The following PHGDH variants were observed in gnomAD, a reference collection of about 807,000 sequenced individuals.
The protein encoded by PHGDH is D-3-phosphoglycerate dehydrogenase.
Under a neutral mutation model 52.6 loss-of-function variants are expected in PHGDH, and 50 were observed. The ratio of observed to expected loss-of-function variants is 0.95; its 90% CI spans 0.76 to 1.20. PHGDH has a LOEUF of 1.20. Ranked by LOEUF, PHGDH falls within the 50% of genes most tolerant of loss-of-function variation. PHGDH has a pLI of 0.00. For synonymous variants in PHGDH, 271 were observed against 280.5 expected, an observed-to-expected ratio of 0.97 and a Z score of 0.34; for missense variants, 630 against 684.6, an observed-to-expected ratio of 0.92 and a Z score of 0.89.
Position 119,711,950 on chromosome 1 carries a change from G to C in PHGDH, c.-73G>C. 3 of 1,535,316 alleles carry C rather than the reference G, an allele frequency of 2.0e-6. No individual in the cohort carries two copies. The highest frequency in any genetic ancestry group is 2.7e-6 in the Non-Finnish European group (3 of 1,110,538). On this transcript the variant is annotated 5_prime_UTR_variant, in exon 1 of 12. Coordinates refer to ENST00000641023, the MANE Select transcript of PHGDH (RefSeq NM_006623.4). Reference sequence around the variant, plus strand: ...GAATACTGCCCAGTTACTCTAGCGCGCCAGGCCGAACCGCAGCTTCTTGGC... The same window carrying C: ...GAATACTGCCCAGTTACTCTAGCGCCCCAGGCCGAACCGCAGCTTCTTGGC...
At chr1:119,715,815 T>C (rs1442559561) in intron 1 of PHGDH, 1 of 152,266 alleles carries the variant, frequency 6.6e-6, no homozygotes, top group Non-Finnish European at 1.5e-5. Context: ...CATCAGAATT[T>C]GGTGCTGTGT....
At chr1:119,726,221 T>TGC (rs1456278038) in intron 3 of PHGDH, among the ~76,000 whole-genome samples, 1 of 145,636 alleles carries the variant, frequency 6.9e-6, no homozygotes, top group Non-Finnish European at 1.5e-5. Context: ...TGTGTGTGTG[T>TGC]GTGTTGGTGG....
Position 119,734,768 on chromosome 1 carries a change from T to C in PHGDH, c.643+2T>C. The C allele has an allele frequency of 6.2e-7, 1 of 1,613,986 alleles. No homozygotes were observed. Among genetic ancestry groups the C allele is most frequent in the Non-Finnish European group, 8.5e-7 (1 of 1,179,932 alleles). On this transcript the variant is annotated splice_donor_variant, in intron 6 of 11. Coordinates refer to ENST00000641023, the MANE Select transcript of PHGDH (RefSeq NM_006623.4). LOFTEE classifies it high-confidence loss of function. ...CTCCTCTCCTGCCCTCCACGACAGG[T>C]AGGTGTGTCCTTACATTGTGGATTG...
chr1:119,718,106 A>G (rs1441248261), intron 1 of PHGDH, among the ~76,000 whole-genome samples: 1 of 152,212 alleles, frequency 6.6e-6, no homozygotes, highest in Non-Finnish European at 1.5e-5. Context: ...TGGGAGGAGC[A>G]GGTCACCAGA....
At chr1:119,739,339 A>G (rs1441898620) in intron 8 of PHGDH, 1 of 152,180 alleles carries the variant, frequency 6.6e-6, no homozygotes, top group Non-Finnish European at 1.5e-5. Flanking sequence ...CAGTGGCAGC[A>G]TGGTGCTCCA....
At chr1:119,736,970 T>C in intron 7 of PHGDH, 144 bp from the exon 8 acceptor site, 1 of 741,734 alleles carries the variant, frequency 1.3e-6, no homozygotes, top group South Asian at 1.5e-5. Context: ...CATTATTGAG[T>C]CCAGTGACCA....
At chr1:119,719,308 A>G (rs1651051403) in intron 1 of PHGDH, among the ~76,000 whole-genome samples, 1 of 152,196 alleles carries the variant, frequency 6.6e-6, no homozygotes, top group Admixed American at 6.5e-5. Context: ...CGATAAAATG[A>G]AGGAAGAAAA....
chr1:119,715,623 T>A (rs1373832556), intron 1 of PHGDH, among the ~76,000 whole-genome samples: 1 of 152,150 alleles, frequency 6.6e-6, no homozygotes, highest in Non-Finnish European at 1.5e-5. Context: ...TGTGTGAACC[T>A]GAGGAATGGC....
chr1:119,719,861 G>A (rs1651074572), intron 1 of PHGDH: 1 of 152,254 alleles, frequency 6.6e-6, no homozygotes, highest in Admixed American at 6.5e-5. Context: ...ATCCAGCTGA[G>A]AGCTCTACGG....
At chr1:119,723,511 G>T (rs1651267724) in intron 3 of PHGDH, 70 bp downstream of exon 3, 12 of 1,219,918 alleles carry the variant, frequency 9.8e-6, no homozygotes, top group Non-Finnish European at 1.5e-5. Context: ...CCAAGCAAAT[G>T]GACCCAGAAA....
chr1:119,741,131 C>A (rs1652187315), intron 9 of PHGDH, among the ~76,000 whole-genome samples: 1 of 152,188 alleles, frequency 6.6e-6, no homozygotes. Flanking sequence ...GCAGTGGATC[C>A]AGTACTGTGC....
At chr1:119,738,291 T>A (rs908230889) in intron 8 of PHGDH, among the ~76,000 whole-genome samples, 3 of 152,162 alleles carry the variant, frequency 2.0e-5, no homozygotes, top group African/African-American at 7.2e-5. Context: ...GGGATTTTGG[T>A]TCTGCCCTCC....
Position 119,740,583 on chromosome 1 carries a change from TG to T in PHGDH, c.1078+68del, listed in dbSNP as rs1652154543. 5 of 1,368,714 alleles carry T rather than the reference TG, an allele frequency of 3.7e-6. No homozygotes were observed. In the African/African-American group the frequency reaches 4.3e-5, roughly 12 times the overall value. The allele number at this position is 1,368,714 out of a possible 1,614,324, so 84.8% of individuals were successfully genotyped here. ...TGAGGGAGTGTGGGATCTGCCCTGC[TG>T]GGTGTATTTGCTGCAGGACACAGGG... On this transcript the variant is annotated intron_variant, in intron 9 of 11. Coordinates refer to ENST00000641023, the MANE Select transcript of PHGDH (RefSeq NM_006623.4).
intron 5 of PHGDH, among the ~76,000 whole-genome samples, chr1:119,731,829 C>G (rs1245591187): frequency 6.6e-6 from 1 of 152,096 alleles, no homozygotes; most frequent in African/African-American, 2.4e-5. Context: ...TTAGCTATTC[C>G]AAAGACAGAT....
chr1:119,712,917 C>T (rs1309894390), intron 1 of PHGDH: 1 of 153,148 alleles, frequency 6.5e-6, no homozygotes, highest in African/African-American at 2.4e-5. Flanking sequence ...TTTGGTTTAT[C>T]GCTGGTTGGG....
At chr1:119,736,835 T>A (rs1397701415) in intron 7 of PHGDH, among the ~76,000 whole-genome samples, 1 of 152,240 alleles carries the variant, frequency 6.6e-6, no homozygotes, top group African/African-American at 2.4e-5. Flanking sequence ...ATAAAGAAAC[T>A]GAGGCTTAGA....
chr1:119,738,773 G>A (rs1267349794), intron 8 of PHGDH, among the ~76,000 whole-genome samples: 2 of 151,924 alleles, frequency 1.3e-5, no homozygotes, highest in African/African-American at 2.4e-5. Flanking sequence ...CTGGCAGAGC[G>A]AGGGGGTGGG....
chr1:119,724,826 A>C (rs1651332429), intron 3 of PHGDH: 2 of 456,576 alleles, frequency 4.4e-6, no homozygotes, highest in Non-Finnish European at 8.8e-6. Flanking sequence ...GCTGTGGTTT[A>C]AAAGAAGCTC....
intron 10 of PHGDH, chr1:119,742,139 C>T: frequency 3.6e-6 from 2 of 554,502 alleles, no homozygotes; most frequent in Non-Finnish European, 3.2e-6. Context: ...AGAAGTGTCC[C>T]CATTTCACAG....
Sources: gnomAD v4.1 joint callset for allele counts (sites outside exome capture counted in the v4.1 genomes callset) on GRCh38, gnomAD v4.1.1 for gene constraint, MANE v1.5 for transcripts, NCBI Gene and HGNC (gene_info 2026-07-23, HGNC 2026-07-21) for gene names.